ALDH7A1: variants seen among roughly 807,000 people sequenced by gnomAD.
ALDH7A1 encodes alpha-aminoadipic semialdehyde dehydrogenase.
In ALDH7A1, 63 loss-of-function variants were observed where a neutral mutation model predicts 79.9. The observed-to-expected ratio is 0.79, with a 90% confidence interval of 0.64 to 0.97. The LOEUF (loss-of-function observed/expected upper bound fraction) is 0.97. Among genes scored for constraint, ALDH7A1 ranks in the 50% least tolerant of loss-of-function variants. The probability of loss-of-function intolerance (pLI) is 0.00; values close to 1 mark genes in which losing one functional copy is unlikely to be tolerated. For synonymous variants in ALDH7A1, 240 were observed against 231.2 expected (o/e 1.04, Z -0.34); for missense variants, 627 against 665.2 (o/e 0.94, Z 0.63).
At chr5:126,568,686 A>T in intron 8 of ALDH7A1, 2 of 344,008 alleles carry the variant, frequency 5.8e-6, no homozygotes, top group South Asian at 5.3e-5. Flanking sequence ...AGTTTTACAA[A>T]CTTTTAACTG....
At chr5:126,591,149 T>C (rs998503509) in intron 3 of ALDH7A1, among the ~76,000 whole-genome samples, 1 of 152,174 alleles carries the variant, frequency 6.6e-6, no homozygotes, top group African/African-American at 2.4e-5. Context: ...ATTACTTTTA[T>C]GATCAGAAAT....
intron 1 of ALDH7A1, 162 bp from the exon 2 acceptor site, chr5:126,593,566 G>T: frequency 1.0e-6 from 1 of 1,004,772 alleles, no homozygotes; most frequent in Non-Finnish European, 1.5e-6. Flanking sequence ...ACTCTACAGA[G>T]GTTGTCTTTC....
At chr5:126,569,292 T>C (rs1750699076) in intron 8 of ALDH7A1, 1 of 152,240 alleles carries the variant, frequency 6.6e-6, no homozygotes, top group South Asian at 2.1e-4. Flanking sequence ...AAAATTGTCT[T>C]CCACTAAACC....
chr5:126,558,124 G>A (rs1450233491), intron 11 of ALDH7A1, among the ~76,000 whole-genome samples: 17 of 122,946 alleles, frequency 1.4e-4, no homozygotes, highest in African/African-American at 3.5e-4. Flanking sequence ...GCAAGATCGC[G>A]CCACTACACT....
intron 7 of ALDH7A1, among the ~76,000 whole-genome samples, chr5:126,572,700 C>T (rs1750815204): frequency 6.6e-6 from 1 of 152,182 alleles, no homozygotes; most frequent in Non-Finnish European, 1.5e-5. Flanking sequence ...CTGAAAGCTA[C>T]AATTGTTACA....
intron 9 of ALDH7A1, among the ~76,000 whole-genome samples, chr5:126,566,699 C>T (rs1274126873): frequency 6.6e-6 from 1 of 152,110 alleles, no homozygotes; most frequent in African/African-American, 2.4e-5. Context: ...TATCCATGAT[C>T]CATATGCATA....
At chr5:126,588,895 T>C (rs921255890) in intron 3 of ALDH7A1, 2 of 152,434 alleles carry the variant, frequency 1.3e-5, no homozygotes, top group African/African-American at 4.8e-5. Context: ...ATACAAAAAT[T>C]AGCCAGGTGT....
In ALDH7A1 at chr5:126,554,297, T is replaced by A. The variant is rs758974665; in HGVS notation, c.1190A>T (p.Tyr397Phe). 19 of 1,613,774 alleles carry A rather than the reference T, an allele frequency of 1.2e-5. No homozygotes were observed. Among genetic ancestry groups the A allele is most frequent in the Non-Finnish European group, 1.6e-5 (19 of 1,179,920 alleles). ...CAGAGCATCCCTTACCTTGCCCCCA[T>A]AGACCACTGTGCCACCTTCTTTCTT... ...EAKKEGGTVV[Y>F]GGKVMDRPGN... Residue 397 changes from tyrosine to phenylalanine, a missense_variant, in exon 13 of 18, where the codon TAT (tyrosine) becomes TTT (phenylalanine). By Grantham distance (22) the Tyr-to-Phe change is conservative. Transcript: ENST00000409134.
intron 13 of ALDH7A1, chr5:126,553,431 T>C (rs1036263070): frequency 3.3e-5 from 5 of 152,288 alleles, no homozygotes; most frequent in Non-Finnish European, 4.4e-5. Flanking sequence ...CGTGTATTTC[T>C]GGCTGGGCAC....
chr5:126,546,277 C>T (rs1215968729), intron 17 of ALDH7A1, 47 bp downstream of exon 17: 3 of 1,558,068 alleles, frequency 1.9e-6, no homozygotes, highest in Middle Eastern at 1.7e-4. Context: ...AAAGCCCATT[C>T]CCAAGGGTTT....
intron 16 of ALDH7A1, 91 bp downstream of exon 16, chr5:126,549,838 G>A (rs964794298): frequency 1.8e-6 from 2 of 1,127,000 alleles, no homozygotes; most frequent in African/African-American, 3.1e-5. Context: ...TATAAGGAGT[G>A]TTTCAGTCTC....
intron 15 of ALDH7A1, 38 bp downstream of exon 15, chr5:126,550,158 C>A: frequency 6.3e-7 from 1 of 1,590,616 alleles, no homozygotes; most frequent in Non-Finnish European, 8.6e-7. Context: ...CCACATAAAT[C>A]AGACTTATAT....
intron 9 of ALDH7A1, among the ~76,000 whole-genome samples, chr5:126,567,382 ATTTC>A (rs1412144804): frequency 1.3e-5 from 2 of 152,142 alleles, no homozygotes; most frequent in Admixed American, 6.6e-5. Context: ...TTCAAGTACT[ATTTC>A]TTTACAGCAC....
intron 9 of ALDH7A1, 67 bp downstream of exon 9, chr5:126,568,192 C>G: frequency 6.6e-7 from 1 of 1,519,350 alleles, no homozygotes; most frequent in Non-Finnish European, 9.1e-7. Context: ...AAAACAAAAA[C>G]TCAACTTTTA....
chr5:126,572,291 A>G (rs1750803134), intron 7 of ALDH7A1, among the ~76,000 whole-genome samples: 1 of 152,192 alleles, frequency 6.6e-6, no homozygotes, highest in Non-Finnish European at 1.5e-5. Context: ...CCAGGATCCA[A>G]TCAAGGATCA....
Position 126,555,934 on chromosome 5 carries a change from C to T in ALDH7A1, c.1090G>A (p.Asp364Asn), listed in dbSNP as rs1473568711. 4 of 1,611,916 alleles carry T rather than the reference C, an allele frequency of 2.5e-6. No individual in the cohort carries two copies. The highest frequency in any genetic ancestry group is 2.7e-5 in the African/African-American group (2 of 75,016). The change falls in exon 12 of 18, where the codon GAC (aspartate) becomes AAC (asparagine). Residue 364 changes from aspartate (D) to asparagine (N), a missense_variant. Transcript: ENST00000409134. ...GAAAGCAGAAGGAGATACTCACGGTCCCATGGGTTCCCAACTCGGATCTGT... is the reference window on the plus strand; with the variant it reads ...GAAAGCAGAAGGAGATACTCACGGTTCCATGGGTTCCCAACTCGGATCTGT... ...YAQIRVGNPW[D>N]PNVLYGPLHT...
intron 9 of ALDH7A1, 113 bp from the exon 10 acceptor site, chr5:126,561,237 T>G (rs768924578): frequency 4.3e-5 from 34 of 788,084 alleles, no homozygotes; most frequent in Non-Finnish European, 6.5e-5. Context: ...AATTATTTTT[T>G]ATATAGCCTA....
chr5:126,559,844 A>G (rs1750341373), intron 10 of ALDH7A1, among the ~76,000 whole-genome samples: 1 of 152,166 alleles, frequency 6.6e-6, no homozygotes, highest in African/African-American at 2.4e-5. Flanking sequence ...TCTTCTTCCA[A>G]GGAAGATTAT....
At chr5:126,583,837 C>CAA (rs199930619) in intron 4 of ALDH7A1, 95 bp downstream of exon 4, 1,771 of 884,646 alleles carry the variant, frequency 2.0e-3, no homozygotes, top group Non-Finnish European at 2.4e-3. Flanking sequence ...GACTCCATCT[C>CAA]AAAAAAAAAA....
Sources: gnomAD v4.1 joint callset for allele counts (sites outside exome capture counted in the v4.1 genomes callset) on GRCh38, gnomAD v4.1.1 for gene constraint, MANE v1.5 for transcripts, NCBI Gene and HGNC (gene_info 2026-07-23, HGNC 2026-07-21) for gene names.